The following ZNF44 variants were observed in gnomAD, a reference collection of about 807,000 sequenced individuals.
ZNF44 encodes the protein zinc finger protein 44.
Under a neutral mutation model 11.7 loss-of-function variants are expected in ZNF44, and 9 were observed. The ratio of observed to expected loss-of-function variants is 0.77; its 90% CI spans 0.46 to 1.35. The LOEUF (loss-of-function observed/expected upper bound fraction) is 1.35. ZNF44 is among the 40% of genes most tolerant of loss of function. The probability of loss-of-function intolerance (pLI) is 0.00; values close to 1 mark genes in which losing one functional copy is unlikely to be tolerated. For synonymous variants in ZNF44, 224 were observed against 242.7 expected (o/e 0.92, Z 0.72); for missense variants, 696 against 743.1 (o/e 0.94, Z 0.74).
chr19:12,289,702 T>C (rs1967922721), intron 1 of ZNF44, among the ~76,000 whole-genome samples: 1 of 147,452 alleles, frequency 6.8e-6, no homozygotes, highest in African/African-American at 2.5e-5. Flanking sequence ...TGAAGTGCAG[T>C]GGCATGATCT....
downstream of ZNF44, chr19:12,242,667 C>CAA (rs35818337): frequency 5.8e-3 from 534 of 91,464 alleles, 4 homozygotes; most frequent in Admixed American, 6.9e-3. Context: ...CTTGTCTCTC[C>CAA]AAAAAAAAAA....
At chr19:12,268,775 G>C (rs1226262578), downstream of ZNF44, among the ~76,000 whole-genome samples, 1 of 144,334 alleles carries the variant, frequency 6.9e-6, no homozygotes, top group Non-Finnish European at 1.5e-5. Flanking sequence ...ACAGGGTCTT[G>C]CTCTGTTGCC....
rs1446550052 is a variant in ZNF44, at chr19:12,272,985, T to C, written c.1270A>G (p.Lys424Glu). The stretch of plus-strand genomic sequence containing the variant: ...GTACGGAAGGCTTTCCCACATTGCT[T>C]GCATTCATAGGGTTTCTCTCCAGTG... ...THTGEKPYEC[K>E]QCGKAFRTSS... The change falls in exon 4 of 4, where the codon AAG becomes GAG. Residue 424 changes from lysine to glutamate, a missense_variant. Coordinates refer to ENST00000355684, the MANE Select transcript of ZNF44 (RefSeq NM_016264.4). 6 of 1,614,062 alleles carry C rather than the reference T, an allele frequency of 3.7e-6. No homozygotes were observed. The Admixed American group carries it at 1.0e-4, about 27-fold the overall frequency.
At chr19:12,276,713 A>C (rs1967237698) in intron 1 of ZNF44, among the ~76,000 whole-genome samples, 1 of 152,184 alleles carries the variant, frequency 6.6e-6, no homozygotes, top group Admixed American at 6.5e-5. Flanking sequence ...CTGAATCTCC[A>C]ATGTGGAAGT....
chr19:12,248,066 A>G, exon 8 of ZNF44: 1 of 1,328,960 alleles, frequency 7.5e-7, no homozygotes. Context: ...CATGTGCTTG[A>G]AAACCTACAG....
At chr19:12,274,261 T>G (rs1340996424) in intron 3 of ZNF44, among the ~76,000 whole-genome samples, 198 bp from the exon 4 acceptor site, 1 of 150,640 alleles carries the variant, frequency 6.6e-6, no homozygotes, top group South Asian at 2.1e-4. Flanking sequence ...TGGGGATTCT[T>G]AATTCTTTTT....
chr19:12,266,172 C>T (rs1427069908), intron 5 of ZNF44: 1 of 833,308 alleles, frequency 1.2e-6, no homozygotes, highest in Non-Finnish European at 1.4e-6. Context: ...GGGACTAGAG[C>T]CCCAGACCCC....
In ZNF44 at chr19:12,294,743, TA is replaced by T. The variant is rs774707893; in HGVS notation, c.-50del. ...GTCCTCCCAACTCCCGTAGTCAGGG[TA>T]GGTCCCAGCGCGACAAAAGCCACCA... On this transcript the variant is annotated 5_prime_UTR_variant, in exon 1 of 4. Transcript: ENST00000355684. 1.6e-5 allele frequency: 25 copies of T among 1,543,874 alleles called. No homozygotes were observed. Among genetic ancestry groups the T allele is most frequent in the Non-Finnish European group, 1.9e-5 (22 of 1,144,700 alleles).
At chr19:12,293,386 T>C (rs372196244) in intron 1 of ZNF44, 97 of 1,535,320 alleles carry the variant, frequency 6.3e-5, no homozygotes, top group Non-Finnish European at 8.1e-5. Context: ...CTGGAAAAGA[T>C]ACAGGGTGGG....
chr19:12,255,944 G>A lies in ZNF44; in HGVS notation c.1913-5576C>T, dbSNP rs1025385194. 2.0e-5 allele frequency among the ~76,000 whole-genome samples: 3 copies of A among 149,270 alleles called. No homozygotes were observed. The East Asian group carries it at 6.0e-4, about 30-fold the overall frequency. ...CCAGCTACTAGGGAGGCTGAGGCAG[G>A]AGAATTGCTTGAACCTGGGGAGGCG... is the stretch of plus-strand genomic sequence containing the variant. On this transcript the variant is annotated intron_variant and NMD_transcript_variant, in intron 5 of 7. Transcript: ENST00000393337.
chr19:12,277,522 A>G (rs1176121448), intron 1 of ZNF44, among the ~76,000 whole-genome samples: 3 of 152,246 alleles, frequency 2.0e-5, no homozygotes, highest in Non-Finnish European at 4.4e-5. Flanking sequence ...ATGCTTAAAA[A>G]AAACCTTCTC....
Position 12,273,213 on chromosome 19 carries a change from A to T in ZNF44, c.1042T>A (p.Phe348Ile), listed in dbSNP as rs556674530. The change falls in exon 4 of 4, where the codon TTT becomes ATT. Residue 348 changes from phenylalanine to isoleucine, a missense_variant. Physicochemically the swap from Phe to Ile is conservative, Grantham distance 21. Transcript: ENST00000355684. Reference protein sequence around the residue: ...KCKICGKGFDFPGSARIHEGT... With the variant: ...KCKICGKGFDIPGSARIHEGT... Reference sequence around the variant, plus strand: ...TCATGAATTCGTGCTGAACCAGGAAAATCAAAGCCTTTCCCACATATCTTA... The same window carrying T: ...TCATGAATTCGTGCTGAACCAGGAATATCAAAGCCTTTCCCACATATCTTA... 6.2e-7 allele frequency: 1 copy of T among 1,613,910 alleles called. No homozygotes were observed. Among genetic ancestry groups the T allele is most frequent in the Non-Finnish European group, 8.5e-7 (1 of 1,179,958 alleles).
intron 5 of ZNF44, among the ~76,000 whole-genome samples, chr19:12,253,590 T>C (rs191372063): frequency 6.6e-6 from 1 of 152,182 alleles, no homozygotes; most frequent in East Asian, 1.9e-4. Context: ...CAAAATGTGA[T>C]AGGACTACAA....
In ZNF44 at chr19:12,272,290, G is replaced by A. The variant is rs991910168; in HGVS notation, c.*117C>T. 23 of 1,375,908 alleles carry A rather than the reference G, an allele frequency of 1.7e-5. No homozygotes were observed. Among genetic ancestry groups the A allele is most frequent in the African/African-American group, 1.3e-4 (9 of 67,702 alleles). The allele number at this position is 1,375,908 out of a possible 1,614,324, so 85.2% of individuals were successfully genotyped here. A position where few individuals can be genotyped will look rare whatever the true frequency, so the allele number is the denominator to read the frequency against. ...AGTGCTGGGATTACAGGTGTGAGCCGCTGCGCCCAGCCTGGAAACTTCTTA... is the reference window on the plus strand; with the variant it reads ...AGTGCTGGGATTACAGGTGTGAGCCACTGCGCCCAGCCTGGAAACTTCTTA... On this transcript the variant is annotated 3_prime_UTR_variant, in exon 4 of 4. Transcript: ENST00000355684.
At chr19:12,265,881 ATT>A (rs1340341912) in intron 5 of ZNF44, among the ~76,000 whole-genome samples, 3 of 152,222 alleles carry the variant, frequency 2.0e-5, no homozygotes, top group Admixed American at 2.0e-4. Context: ...AACAAAACCT[ATT>A]TGTTTCCTTA....
chr19:12,250,909 G>T (rs1916965252), intron 5 of ZNF44: 1 of 424,708 alleles, frequency 2.4e-6, no homozygotes, highest in East Asian at 7.2e-5. Context: ...GTCAGATCCA[G>T]CCAATTCAAT....
At chr19:12,291,212 G>A (rs749165916) in intron 1 of ZNF44, 2 of 453,136 alleles carry the variant, frequency 4.4e-6, no homozygotes, top group South Asian at 3.2e-5. Flanking sequence ...CAGATAACAG[G>A]AACAGACCAG....
intron 5 of ZNF44, among the ~76,000 whole-genome samples, chr19:12,254,156 C>G (rs1273863732): frequency 6.7e-6 from 1 of 148,204 alleles, no homozygotes; most frequent in South Asian, 2.1e-4. Flanking sequence ...CAAACCTAAT[C>G]CAGAAGATCA....
chr19:12,285,419 A>G lies in ZNF44; in HGVS notation c.3+9273T>C, dbSNP rs181473929. Reference sequence around the variant, plus strand: ...TACAGGCGCCCGCCACCACGTCCGGATATTTTGTGCTTTTAGTAGAAATGG... The same window carrying G: ...TACAGGCGCCCGCCACCACGTCCGGGTATTTTGTGCTTTTAGTAGAAATGG... On this transcript the variant is annotated intron_variant, in intron 1 of 3. Coordinates refer to ENST00000355684, the MANE Select transcript of ZNF44 (RefSeq NM_016264.4). Among the ~76,000 whole-genome samples, 9 of 152,034 alleles carry G rather than the reference A, an allele frequency of 5.9e-5. No individual in the cohort carries two copies. In the East Asian group the frequency reaches 1.6e-3, roughly 26 times the overall value.
Sources: gnomAD v4.1 joint callset for allele counts (sites outside exome capture counted in the v4.1 genomes callset) on GRCh38, gnomAD v4.1.1 for gene constraint, MANE v1.5 for transcripts, NCBI Gene and HGNC (gene_info 2026-07-23, HGNC 2026-07-21) for gene names.